Variants in PRMT3 observed in about 807,000 individuals in gnomAD.
The protein encoded by PRMT3 is protein arginine methyltransferase 3.
PRMT3 carries 62 observed loss-of-function variants against 71.9 expected under a neutral mutation model. The observed-to-expected ratio is 0.86, with a 90% confidence interval of 0.70 to 1.07. The LOEUF (loss-of-function observed/expected upper bound fraction) is 1.07. PRMT3 is among the 50% of genes least tolerant of loss of function. The pLI is 0.00. For missense variants in PRMT3, 663 were observed against 643.0 expected (o/e 1.03, Z -0.34); for synonymous variants, 213 against 220.4 (o/e 0.97, Z 0.30).
At chr11:20,504,703 T>TGA (rs1361120498) in intron 15 of PRMT3, among the ~76,000 whole-genome samples, 13 of 123,648 alleles carry the variant, frequency 1.1e-4, no homozygotes, top group Admixed American at 8.8e-4. Context: ...TGTGTGTGTG[T>TGA]GTGTGAGAGA....
chr11:20,423,113 G>A (rs1214735325), intron 9 of PRMT3, among the ~76,000 whole-genome samples: 16 of 152,256 alleles, frequency 1.1e-4, no homozygotes, highest in Admixed American at 3.3e-4. Flanking sequence ...TGGTTCATGT[G>A]AGTTAGATTT....
chr11:20,442,785 A>G (rs1209280431), intron 10 of PRMT3, among the ~76,000 whole-genome samples: 1 of 152,238 alleles, frequency 6.6e-6, no homozygotes, highest in Non-Finnish European at 1.5e-5. Context: ...CATTCTACGT[A>G]ATTAATGCTC....
intron 13 of PRMT3, among the ~76,000 whole-genome samples, chr11:20,474,126 G>GAGACCCCTT (rs1331026374): frequency 6.6e-6 from 1 of 152,200 alleles, no homozygotes; most frequent in Non-Finnish European, 1.5e-5. Flanking sequence ...GAGGTGGCTA[G>GAGACCCCTT]AGACCCCTTT....
At chr11:20,496,236 T>TTATG (rs745367036) in intron 15 of PRMT3, among the ~76,000 whole-genome samples, 1 of 152,066 alleles carries the variant, frequency 6.6e-6, no homozygotes, top group Non-Finnish European at 1.5e-5. Flanking sequence ...ATCAGGTAAG[T>TTATG]TATGTATGTA....
At position 20,426,251 on chromosome 11, in the gene PRMT3, T is replaced by G. The variant is rs368256132; in HGVS notation, c.894-515T>G. ...TTGATCCTCTTAATAGCCTGTGACG[T>G]AAATAGGGTCGGTATTATTCTCTTT... On this transcript the variant is annotated intron_variant, in intron 9 of 15. Transcript: ENST00000331079. Among the ~76,000 whole-genome samples the G allele has an allele frequency of 8.5e-4, 130 of 152,310 alleles. 2 individuals are homozygous for G. The South Asian group carries it at 0.027, about 31-fold the overall frequency.
At chr11:20,485,966 A>G (rs1184022647) in intron 13 of PRMT3, among the ~76,000 whole-genome samples, 3 of 152,256 alleles carry the variant, frequency 2.0e-5, no homozygotes, top group East Asian at 3.8e-4. Flanking sequence ...TCAAATGTCT[A>G]TCACCTATAG....
At chr11:20,428,369 A>G (rs1849590124) in intron 10 of PRMT3, among the ~76,000 whole-genome samples, 1 of 152,200 alleles carries the variant, frequency 6.6e-6, no homozygotes, top group Non-Finnish European at 1.5e-5. Context: ...AGGCAAACCA[A>G]AAGAAAGACT....
rs924956806 is a variant in PRMT3 at position 20,488,289 on chromosome 11, G to A, written c.1348-5630G>A. On this transcript the variant is annotated intron_variant, in intron 13 of 15. Transcript: ENST00000331079. Reference sequence around the variant, plus strand: ...GTTCATGCTCTGTATGTGGCAGCTCGTATAGCTTATGTTTGTATTTTCATC... The same window carrying A: ...GTTCATGCTCTGTATGTGGCAGCTCATATAGCTTATGTTTGTATTTTCATC... Among the ~76,000 whole-genome samples the A allele has an allele frequency of 4.6e-5, 7 of 152,184 alleles. No individual in the cohort carries two copies. In the South Asian group the frequency reaches 6.2e-4, roughly 14 times the overall value.
intron 13 of PRMT3, among the ~76,000 whole-genome samples, chr11:20,472,596 C>T (rs1850672736): frequency 6.6e-6 from 1 of 152,062 alleles, no homozygotes; most frequent in Non-Finnish European, 1.5e-5. Context: ...AGGATTTTTG[C>T]ATTGATGTTC....
chr11:20,398,522 G>A (rs1024914451), intron 7 of PRMT3, among the ~76,000 whole-genome samples: 2 of 152,030 alleles, frequency 1.3e-5, no homozygotes, highest in Non-Finnish European at 2.9e-5. Flanking sequence ...GTGCGATCTC[G>A]GCTCACTGCA....
At chr11:20,488,166 G>A (rs1319224905) in intron 13 of PRMT3, among the ~76,000 whole-genome samples, 4 of 152,048 alleles carry the variant, frequency 2.6e-5, no homozygotes, top group African/African-American at 7.2e-5. Context: ...GAAAGAGTCC[G>A]TAATTTAATG....
At position 20,414,942 on chromosome 11, in the gene PRMT3, G is replaced by T. The variant is rs147424996; in HGVS notation, c.893+6910G>T. Among the ~76,000 whole-genome samples the T allele has an allele frequency of 5.7e-3, 867 of 151,872 alleles. 5 individuals carry two copies. The highest frequency in any genetic ancestry group is 0.02 in the African/African-American group (808 of 41,394). ...AACAAAGTGTCTGACACACATAGTAGATGCTTAGTTAAGGTTTTTGAATAA... is the reference window on the plus strand; with the variant it reads ...AACAAAGTGTCTGACACACATAGTATATGCTTAGTTAAGGTTTTTGAATAA... On this transcript the variant is annotated intron_variant, in intron 9 of 15. Transcript: ENST00000331079.
At chr11:20,484,374 G>A (rs570433361) in intron 13 of PRMT3, among the ~76,000 whole-genome samples, 1 of 152,286 alleles carries the variant, frequency 6.6e-6, no homozygotes, top group Non-Finnish European at 1.5e-5. Flanking sequence ...TCACAAATGA[G>A]TTAGTTTAAG....
At chr11:20,496,008 G>T (rs115188086) in intron 15 of PRMT3, among the ~76,000 whole-genome samples, 1 of 152,126 alleles carries the variant, frequency 6.6e-6, no homozygotes. Flanking sequence ...TAAAACTTTC[G>T]AGAACAGTTT....
At chr11:20,401,987 C>T (rs530597064) in intron 7 of PRMT3, among the ~76,000 whole-genome samples, 26 of 152,224 alleles carry the variant, frequency 1.7e-4, no homozygotes, top group Admixed American at 1.1e-3. Context: ...CAATGACTTT[C>T]TTAGAAAAAC....
rs1335528204 is a variant in PRMT3, at chr11:20,408,533, T to C, written c.893+501T>C. On this transcript the variant is annotated intron_variant, in intron 9 of 15. Transcript: ENST00000331079. The stretch of plus-strand genomic sequence containing the variant: ...ACAAGGCAGAGTGGATTTAGTTTAT[T>C]ACCCCCTAAAACTTTTATTCTCTAA... Among the ~76,000 whole-genome samples the C allele has an allele frequency of 6.6e-5, 10 of 152,296 alleles. No homozygotes were observed. In the East Asian group the frequency reaches 1.7e-3, roughly 26 times the overall value.
At chr11:20,452,384 A>G (rs1850170077) in intron 11 of PRMT3, among the ~76,000 whole-genome samples, 176 bp downstream of exon 11, 1 of 152,158 alleles carries the variant, frequency 6.6e-6, no homozygotes, top group African/African-American at 2.4e-5. Context: ...GTAGAATATT[A>G]TATAAGACAT....
chr11:20,432,746 T>TC (rs1246310281), intron 10 of PRMT3, among the ~76,000 whole-genome samples: 1 of 152,220 alleles, frequency 6.6e-6, no homozygotes, highest in African/African-American at 2.4e-5. Flanking sequence ...TAACAGCCGT[T>TC]CTAACTGGCA....
At chr11:20,399,285 T>A (rs2133308047) in intron 7 of PRMT3, among the ~76,000 whole-genome samples, 1 of 152,310 alleles carries the variant, frequency 6.6e-6, no homozygotes, top group South Asian at 2.1e-4. Flanking sequence ...TTTTGTTGAT[T>A]CAGTTTTGCT....
Sources: gnomAD v4.1 joint callset for allele counts (sites outside exome capture counted in the v4.1 genomes callset) on GRCh38, gnomAD v4.1.1 for gene constraint, MANE v1.5 for transcripts, NCBI Gene and HGNC (gene_info 2026-07-23, HGNC 2026-07-21) for gene names.